GRIN3A: variants seen among roughly 807,000 people sequenced by gnomAD.
The protein encoded by GRIN3A is glutamate ionotropic receptor NMDA type subunit 3A.
In GRIN3A, 47 loss-of-function variants were observed where a neutral mutation model predicts 92.4. That is an observed-to-expected ratio of 0.51 (90% CI 0.40 to 0.65). The LOEUF is 0.65. Among genes scored for constraint, GRIN3A ranks in the 30% least tolerant of loss-of-function variants. The pLI, the probability that GRIN3A is intolerant of heterozygous loss-of-function variation, is 0.00. For synonymous variants in GRIN3A, 527 were observed against 540.6 expected, an observed-to-expected ratio of 0.97 and a Z score of 0.35; for missense variants, 1,324 against 1,393.1, an observed-to-expected ratio of 0.95 and a Z score of 0.79.
At chr9:101,632,397 C>G (rs1402759106) in intron 3 of GRIN3A, among the ~76,000 whole-genome samples, 1 of 152,124 alleles carries the variant, frequency 6.6e-6, no homozygotes, top group African/African-American at 2.4e-5. Flanking sequence ...AAGTCTTCAA[C>G]AAATGTTAGC....
At chr9:101,700,349 T>C (rs1310818844) in intron 1 of GRIN3A, among the ~76,000 whole-genome samples, 2 of 152,200 alleles carry the variant, frequency 1.3e-5, no homozygotes, top group African/African-American at 4.8e-5. Flanking sequence ...GGTTTCTACC[T>C]AGAGGCAAGA....
intron 4 of GRIN3A, 89 bp from the exon 5 acceptor site, chr9:101,623,522 C>T (rs1271799261): frequency 1.1e-6 from 1 of 916,418 alleles, no homozygotes; most frequent in Non-Finnish European, 1.8e-6. Context: ...GTTTAGGGGA[C>T]AGAACCCGAA....
intron 4 of GRIN3A, among the ~76,000 whole-genome samples, chr9:101,626,629 A>G (rs1828637926): frequency 6.6e-6 from 1 of 152,196 alleles, no homozygotes; most frequent in Admixed American, 6.5e-5. Context: ...TGTTAAAATG[A>G]AGATTCTGAT....
At chr9:101,735,623 T>C (rs911459526) in intron 1 of GRIN3A, among the ~76,000 whole-genome samples, 2 of 151,922 alleles carry the variant, frequency 1.3e-5, no homozygotes, top group African/African-American at 4.8e-5. Context: ...GTGACCACTA[T>C]TGGCCACTTA....
In GRIN3A at chr9:101,573,304, T is replaced by A. The variant is rs62000403; in HGVS notation, c.3218A>T (p.Asn1073Ile). 0.059 allele frequency: 95,330 copies of A among 1,613,936 alleles called. 3,048 individuals are homozygous for A. Among genetic ancestry groups the A allele is most frequent in the South Asian group, 0.073 (6,675 of 91,076 alleles). Residue 1073 changes from asparagine to isoleucine, a missense_variant, in exon 9 of 9, where the codon AAC becomes ATC. Coordinates refer to ENST00000361820, the MANE Select transcript of GRIN3A (RefSeq NM_133445.3). ...CTCTGAGAGTTCCTGCATCACTGAGTTCCGAGATACATTTAGGGAGTCTGC... is the reference window on the plus strand; with the variant it reads ...CTCTGAGAGTTCCTGCATCACTGAGATCCGAGATACATTTAGGGAGTCTGC... Reference protein sequence around the residue: ...GKADSLNVSRNSVMQELSELE... With the variant: ...GKADSLNVSRISVMQELSELE...
intron 6 of GRIN3A, among the ~76,000 whole-genome samples, chr9:101,599,451 G>T (rs1320009806): frequency 6.6e-6 from 1 of 152,096 alleles, no homozygotes; most frequent in Admixed American, 6.6e-5. Context: ...GCATTATTAT[G>T]GGACTCAACA....
chr9:101,707,419 AT>A (rs1356846641), intron 1 of GRIN3A, among the ~76,000 whole-genome samples: 1 of 152,188 alleles, frequency 6.6e-6, no homozygotes, highest in Non-Finnish European at 1.5e-5. Flanking sequence ...CTACTTTATT[AT>A]CTGATGCTGT....
intron 2 of GRIN3A, among the ~76,000 whole-genome samples, chr9:101,681,308 T>G (rs1459866469): frequency 6.6e-6 from 1 of 152,260 alleles, no homozygotes; most frequent in Non-Finnish European, 1.5e-5. Flanking sequence ...TTATACTGTA[T>G]TACTTTATTT....
At chr9:101,690,422 C>T (rs1458374872) in intron 1 of GRIN3A, among the ~76,000 whole-genome samples, 2 of 152,034 alleles carry the variant, frequency 1.3e-5, no homozygotes, top group East Asian at 3.9e-4. Context: ...TGTTTCAGAG[C>T]CTGAAATTTC....
At chr9:101,704,285 G>A (rs915012779) in intron 1 of GRIN3A, among the ~76,000 whole-genome samples, 4 of 152,110 alleles carry the variant, frequency 2.6e-5, no homozygotes, top group Non-Finnish European at 5.9e-5. Flanking sequence ...ATGTCTTCAT[G>A]TCATGTTATA....
At chr9:101,661,142 C>T (rs373873226) in intron 3 of GRIN3A, among the ~76,000 whole-genome samples, 1 of 151,858 alleles carries the variant, frequency 6.6e-6, no homozygotes, top group African/African-American at 2.4e-5. Flanking sequence ...GGGAGTGGTA[C>T]TCATTGAGGT....
At position 101,670,678 on chromosome 9, in the gene GRIN3A, T is replaced by G; in HGVS notation, c.1734A>C (p.Gly578=). The change falls in exon 3 of 9, where the codon GGA becomes GGC. Residue 578 remains glycine, a synonymous_variant. Transcript: ENST00000361820. The stretch of plus-strand genomic sequence containing the variant: ...TCTTTTCCAGCAGATCAATGCAATA[T>G]CCATAGCAGCACTTCTTGAATTTAA... ...VPIKFKKCCY[G]YCIDLLEKIA... is the part of the protein sequence containing the mutation. 6.2e-7 allele frequency: 1 copy of G among 1,614,034 alleles called. No homozygotes were observed. Among genetic ancestry groups the G allele is most frequent in the Non-Finnish European group, 8.5e-7 (1 of 1,179,954 alleles).
chr9:101,725,317 G>T (rs1332018645), intron 1 of GRIN3A, among the ~76,000 whole-genome samples: 1 of 152,130 alleles, frequency 6.6e-6, no homozygotes, highest in Non-Finnish European at 1.5e-5. Context: ...AGAATGGTCT[G>T]GTGGAAAGAA....
At chr9:101,662,220 C>T (rs1829180184) in intron 3 of GRIN3A, among the ~76,000 whole-genome samples, 1 of 151,730 alleles carries the variant, frequency 6.6e-6, no homozygotes, top group Admixed American at 6.6e-5. Flanking sequence ...AAATTTGTCT[C>T]CAAACTCCTC....
chr9:101,682,515 A>T (rs1248925519), intron 2 of GRIN3A, among the ~76,000 whole-genome samples: 1 of 152,220 alleles, frequency 6.6e-6, no homozygotes, highest in Non-Finnish European at 1.5e-5. Flanking sequence ...TTTCGACCTC[A>T]TTCACTAGAC....
rs141551240 is a variant in GRIN3A, at chr9:101,737,604, C to T, written c.376G>A (p.Asp126Asn). The T allele has an allele frequency of 2.0e-4, 323 of 1,613,768 alleles. 1 individual carries two copies. The highest frequency in any genetic ancestry group is 2.0e-4 in the Non-Finnish European group (237 of 1,180,006). ...TTGTCCACGGCAAATAGGAGGGCGT[C>T]CCGTGGCCACAGGGCCTCCGCCCTG... ...GARAEALWPR[D>N]ALLFAVDNLN... Residue 126 changes from aspartate to asparagine, a missense_variant, in exon 1 of 9, where the codon GAC becomes AAC. Transcript: ENST00000361820.
intron 4 of GRIN3A, among the ~76,000 whole-genome samples, chr9:101,627,821 AT>A (rs2118877936): frequency 6.6e-6 from 1 of 152,254 alleles, no homozygotes; most frequent in African/African-American, 2.4e-5. Flanking sequence ...GATAAACTCC[AT>A]TTCCTCATGG....
intron 3 of GRIN3A, among the ~76,000 whole-genome samples, chr9:101,657,348 A>T (rs983646664): frequency 1.3e-5 from 2 of 151,986 alleles, no homozygotes; most frequent in African/African-American, 2.4e-5. Context: ...CAACCTGCTC[A>T]ATTTCTTTCC....
At chr9:101,730,863 T>A (rs933886817) in intron 1 of GRIN3A, among the ~76,000 whole-genome samples, 2 of 152,074 alleles carry the variant, frequency 1.3e-5, no homozygotes, top group Non-Finnish European at 2.9e-5. Flanking sequence ...TTTAATTCTG[T>A]AGGTAAAAAT....
Sources: allele counts gnomAD v4.1 joint callset (sites outside exome capture counted in the v4.1 genomes callset), GRCh38; gene constraint gnomAD v4.1.1; transcripts MANE v1.5; gene names NCBI Gene and HGNC (gene_info 2026-07-23, HGNC 2026-07-21).